ARHGAP10: variants seen among roughly 807,000 people sequenced by gnomAD.
The protein encoded by ARHGAP10 is rho GTPase-activating protein 10.
ARHGAP10 carries 87 observed loss-of-function variants against 108.6 expected under a neutral mutation model. The observed-to-expected ratio is 0.80, with a 90% CI of 0.67 to 0.96. The LOEUF (loss-of-function observed/expected upper bound fraction) is 0.96. ARHGAP10 is among the 40% of genes least tolerant of loss of function. The pLI is 0.00. For missense variants in ARHGAP10, 939 were observed against 954.5 expected, an observed-to-expected ratio of 0.98 and a Z score of 0.21; for synonymous variants, 347 against 341.1, an observed-to-expected ratio of 1.02 and a Z score of -0.19.
rs752970141 is a variant in ARHGAP10 at position 147,732,411 on chromosome 4, A to G, written c.110A>G (p.Lys37Arg). 1.2e-6 allele frequency: 2 copies of G among 1,612,848 alleles called. No individual in the cohort carries two copies. Among genetic ancestry groups the G allele is most frequent in the Admixed American group, 1.7e-5 (1 of 59,944 alleles). Residue 37 changes from lysine to arginine, a missense_variant, in exon 1 of 23, where the codon AAA (lysine) becomes AGA (arginine). Coordinates refer to ENST00000336498, the MANE Select transcript of ARHGAP10 (RefSeq NM_024605.4). ...CTCGAGAGGACCAACAAGTTCATCA[A>G]AGAGCTCATTAAGGACGGGAAGAAC... Reference protein sequence around the residue: ...AELERTNKFIKELIKDGKNLI... With the variant: ...AELERTNKFIRELIKDGKNLI...
chr4:147,861,063 T>G (rs891512118), intron 5 of ARHGAP10: 1 of 152,258 alleles, frequency 6.6e-6, no homozygotes, highest in African/African-American at 2.4e-5. Context: ...GGGCTTGTTC[T>G]GCCTGCTCTT....
chr4:147,948,144 G>C (rs1738459567), intron 15 of ARHGAP10, among the ~76,000 whole-genome samples: 1 of 151,622 alleles, frequency 6.6e-6, no homozygotes, highest in Non-Finnish European at 1.5e-5. Flanking sequence ...GGGTTTCGCT[G>C]TGTTGGCCAG....
At chr4:147,971,436 G>A (rs1578746305) in intron 18 of ARHGAP10, among the ~76,000 whole-genome samples, 1 of 152,174 alleles carries the variant, frequency 6.6e-6, no homozygotes, top group African/African-American at 2.4e-5. Context: ...CGCTTTGAGA[G>A]AGAGACAGAG....
chr4:147,774,551 A>G (rs957664299), intron 1 of ARHGAP10, among the ~76,000 whole-genome samples: 1 of 152,180 alleles, frequency 6.6e-6, no homozygotes, highest in Non-Finnish European at 1.5e-5. Flanking sequence ...TTTATTCTAT[A>G]ACATATTTAC....
rs148961403 is a variant in ARHGAP10, at chr4:147,737,943, T to C, written c.154+5488T>C. Among the ~76,000 whole-genome samples, 113 of 152,264 alleles carry C rather than the reference T, an allele frequency of 7.4e-4. 2 individuals carry two copies. The highest frequency in any genetic ancestry group is 3.4e-3 in the Middle Eastern group (1 of 294). On this transcript the variant is annotated intron_variant, in intron 1 of 22. Coordinates refer to ENST00000336498, the MANE Select transcript of ARHGAP10 (RefSeq NM_024605.4). ...AGCAATCTAATGTTCTCAGTGTCTT[T>C]TTGTCACATTGCCTTTCTCTGTCCT...
chr4:147,830,672 A>G (rs1732922815), intron 3 of ARHGAP10, among the ~76,000 whole-genome samples: 1 of 151,996 alleles, frequency 6.6e-6, no homozygotes. Context: ...GGCACTTGCT[A>G]CCACACCCAG....
chr4:147,788,061 C>T (rs929175017), intron 1 of ARHGAP10, among the ~76,000 whole-genome samples: 4 of 152,142 alleles, frequency 2.6e-5, no homozygotes, highest in African/African-American at 9.7e-5. Context: ...CATCTCTTTT[C>T]CTTATATCCA....
At chr4:147,804,638 T>G (rs1731710057) in intron 1 of ARHGAP10, among the ~76,000 whole-genome samples, 1 of 152,242 alleles carries the variant, frequency 6.6e-6, no homozygotes, top group South Asian at 2.1e-4. Context: ...CTCCACAGCC[T>G]TGCCAGCATT....
At chr4:147,863,566 G>A (rs1259444721) in intron 5 of ARHGAP10, 4 of 152,150 alleles carry the variant, frequency 2.6e-5, no homozygotes, top group Non-Finnish European at 4.4e-5. Context: ...ATATCTGTTC[G>A]AGTCTCTGCT....
intron 7 of ARHGAP10, among the ~76,000 whole-genome samples, chr4:147,868,793 C>T (rs566626267): frequency 6.6e-5 from 10 of 152,166 alleles, no homozygotes; most frequent in African/African-American, 2.2e-4. Context: ...GTTCACAATA[C>T]GGTTCATGCT....
At chr4:147,922,382 A>G (rs1031246446) in intron 13 of ARHGAP10, among the ~76,000 whole-genome samples, 8 of 151,390 alleles carry the variant, frequency 5.3e-5, no homozygotes, top group Non-Finnish European at 7.4e-5. Flanking sequence ...TCAGACCCTT[A>G]GTTCCTTTAA....
At chr4:147,944,625 T>C (rs1381842723) in intron 14 of ARHGAP10, among the ~76,000 whole-genome samples, 1 of 152,154 alleles carries the variant, frequency 6.6e-6, no homozygotes, top group Non-Finnish European at 1.5e-5. Context: ...AAAAAGGAAA[T>C]GCTAACAAGA....
At chr4:147,965,605 G>A (rs1279024811) in intron 17 of ARHGAP10, among the ~76,000 whole-genome samples, 2 of 152,180 alleles carry the variant, frequency 1.3e-5, no homozygotes, top group Non-Finnish European at 2.9e-5. Flanking sequence ...CATTCTAACT[G>A]TAGAATTTTA....
rs550598219 is a variant in ARHGAP10 at position 147,970,406 on chromosome 4, A to G, written c.1716+3567A>G. On this transcript the variant is annotated intron_variant, in intron 18 of 22. Transcript: ENST00000336498. ...GAAAAGAGTAGTCTGAGAAAGGAAA[A>G]CATTACAGTAATGGATGGCGGTGGG... Among the ~76,000 whole-genome samples the G allele has an allele frequency of 2.1e-4, 32 of 151,900 alleles. 1 individual carries two copies. Among genetic ancestry groups the G allele is most frequent in the African/African-American group, 6.5e-4 (27 of 41,426 alleles).
chr4:147,957,204 G>A (rs867098429), intron 16 of ARHGAP10, among the ~76,000 whole-genome samples: 1 of 152,268 alleles, frequency 6.6e-6, no homozygotes, highest in African/African-American at 2.4e-5. Flanking sequence ...GTGCCGTTGT[G>A]GTTGGAATGG....
chr4:147,854,693 G>A (rs1579119893), intron 4 of ARHGAP10: 1 of 983,182 alleles, frequency 1.0e-6, no homozygotes, highest in East Asian at 1.1e-4. Flanking sequence ...AATCATATGA[G>A]CACAAAGAAA....
intron 18 of ARHGAP10, among the ~76,000 whole-genome samples, chr4:147,996,150 CA>C (rs1354818087): frequency 6.6e-6 from 1 of 152,168 alleles, no homozygotes; most frequent in Non-Finnish European, 1.5e-5. Flanking sequence ...GCAACTTCCA[CA>C]AAGGTACAGT....
intron 18 of ARHGAP10, among the ~76,000 whole-genome samples, chr4:148,002,805 T>C (rs1464433568): frequency 6.6e-6 from 1 of 152,206 alleles, no homozygotes; most frequent in Non-Finnish European, 1.5e-5. Context: ...CTTTTCTCTT[T>C]TCTTCTTTAT....
chr4:147,886,456 T>A (rs1388904787), intron 10 of ARHGAP10, among the ~76,000 whole-genome samples: 1 of 152,184 alleles, frequency 6.6e-6, no homozygotes, highest in Non-Finnish European at 1.5e-5. Context: ...TCTACCACCT[T>A]CTTTCCTAAT....
Sources: gnomAD v4.1 joint callset for allele counts (sites outside exome capture counted in the v4.1 genomes callset) on GRCh38, gnomAD v4.1.1 for gene constraint, MANE v1.5 for transcripts, NCBI Gene and HGNC (gene_info 2026-07-23, HGNC 2026-07-21) for gene names.